Variants in MGAT4B observed in about 807,000 individuals in gnomAD.
The protein encoded by MGAT4B is alpha-1,3-mannosyl-glycoprotein 4-beta-N-acetylglucosaminyltransferase B.
MGAT4B carries 38 observed loss-of-function variants against 73.9 expected under a neutral mutation model. The observed-to-expected ratio is 0.51, with a 90% CI of 0.40 to 0.67. The LOEUF is 0.67. Among genes scored for constraint, MGAT4B ranks in the 30% least tolerant of loss-of-function variants. The pLI, the probability that MGAT4B is intolerant of heterozygous loss-of-function variation, is 0.00. For missense variants in MGAT4B, 686 were observed against 735.2 expected (o/e 0.93, Z 0.77); for synonymous variants, 373 against 313.5 (o/e 1.19, Z -2.01).
rs573493750 is a variant in MGAT4B at position 179,798,366 on chromosome 5, G to A, written c.1491C>T (p.Pro497=). The A allele has an allele frequency of 1.8e-4, 292 of 1,613,028 alleles. 3 individuals are homozygous for A. In the South Asian group the frequency reaches 2.9e-3, roughly 16 times the overall value. Residue 497 remains proline, a synonymous_variant, in exon 13 of 15, where the codon CCC becomes CCT. Transcript: ENST00000292591. ...RTATLRYPRS[P]DGYLQIGSFY... ...ACCCACCGATCTGGAGGTAGCCGTC[G>A]GGGCTCCGAGGGTACCGGAGGGTGG...
chr5:179,797,914 C>A lies in MGAT4B; in HGVS notation c.*131G>T. ...TCCGGGCCAGCGGCGGACCCCAGGCCGGCCCAAGCCCGACGCCAGGCAGAA... is the reference window on the plus strand; with the variant it reads ...TCCGGGCCAGCGGCGGACCCCAGGCAGGCCCAAGCCCGACGCCAGGCAGAA... On this transcript the variant is annotated 3_prime_UTR_variant, in exon 15 of 15. Coordinates refer to ENST00000292591, the MANE Select transcript of MGAT4B (RefSeq NM_014275.5). 7.5e-7 allele frequency: 1 copy of A among 1,328,672 alleles called. No individual in the cohort carries two copies. The allele number at this position is 1,328,672 out of a possible 1,614,324, so 82.3% of individuals were successfully genotyped here.
chr5:179,799,397 C>T, intron 9 of MGAT4B, 87 bp from the exon 10 acceptor site: 1 of 1,604,972 alleles, frequency 6.2e-7, no homozygotes, highest in Non-Finnish European at 8.5e-7. Flanking sequence ...GGCCCTCCCA[C>T]AGCTGACAGT....
intron 8 of MGAT4B, 96 bp from the exon 9 acceptor site, chr5:179,799,732 T>C (rs889776616): frequency 6.4e-7 from 1 of 1,570,192 alleles, no homozygotes; most frequent in South Asian, 1.1e-5. Context: ...AGGGGCAGGC[T>C]TCAGGCAGGT....
chr5:179,800,806 G>A (rs1756887381), intron 5 of MGAT4B, 101 bp downstream of exon 5: 1 of 1,351,036 alleles, frequency 7.4e-7, no homozygotes, highest in Non-Finnish European at 1.0e-6. Context: ...CTCCCCACGA[G>A]ATAGGAAAGG....
chr5:179,797,988 AC>A lies in MGAT4B; in HGVS notation c.*56del, dbSNP rs1261434751. Reference sequence around the variant, plus strand: ...GCCCTCCGGGGACGGCAGTGACGACACCCCCAGAAATGTGGGCTTCAGGGCT... The same window carrying A: ...GCCCTCCGGGGACGGCAGTGACGACACCCCAGAAATGTGGGCTTCAGGGCT... On this transcript the variant is annotated 3_prime_UTR_variant, in exon 15 of 15. Coordinates refer to ENST00000292591, the MANE Select transcript of MGAT4B (RefSeq NM_014275.5). 1.3e-6 allele frequency: 2 copies of A among 1,576,008 alleles called. No homozygotes were observed. The highest frequency in any genetic ancestry group is 1.7e-6 in the Non-Finnish European group (2 of 1,159,594).
At chr5:179,799,858 G>A in intron 8 of MGAT4B, 96 bp downstream of exon 8, 1 of 1,350,602 alleles carries the variant, frequency 7.4e-7, no homozygotes, top group South Asian at 1.2e-5. Flanking sequence ...GGGCCCACCT[G>A]GGCAAAGGCT....
Position 179,801,374 on chromosome 5 carries a change from T to C in MGAT4B, c.518A>G (p.Gln173Arg). The change falls in exon 4 of 15, where the codon CAG becomes CGG. Residue 173 changes from glutamine to arginine, a missense_variant. Transcript: ENST00000292591. This position sits in a 1 kb window ranked among gnomAD's most constrained non-coding sequence, Gnocchi z 4.8. Reference protein sequence around the residue: ...LHSLISELSPQEKEDSVIVVL... With the variant: ...LHSLISELSPREKEDSVIVVL... The stretch of plus-strand genomic sequence containing the variant: ...CACGATGACCGAGTCCTCCTTCTCC[T>C]GCGGGCTCAGCTCGGAGATGAGCGA... 1.9e-6 allele frequency: 3 copies of C among 1,612,614 alleles called. No individual in the cohort carries two copies. The highest frequency in any genetic ancestry group is 2.2e-5 in the East Asian group (1 of 44,834).
At position 179,806,502 on chromosome 5, in the gene MGAT4B, G is replaced by A. The variant is rs1382686072; in HGVS notation, c.82C>T (p.Leu28Phe). The part of the protein sequence containing the change: ...AFLSLSWYAA[L>F]SGQKGDVVDV... ...TCGCGCTCACCTTTCTGGCCGCTGA[G>A]TGCCGCGTACCAGGACAGCGAGAGG... The change falls in exon 1 of 15, where the codon CTC becomes TTC. Residue 28 changes from leucine (L) to phenylalanine (F), a missense_variant. Physicochemically the swap from Leu to Phe is conservative, Grantham distance 22 (BLOSUM62 0). This residue lies in a region of MGAT4B where 237 missense variants were observed against 198.5 expected (regional missense o/e 1.19). Transcript: ENST00000292591. This position sits in a 1 kb window ranked among gnomAD's most constrained non-coding sequence, Gnocchi z 4.6. The A allele has an allele frequency of 7.6e-7, 1 of 1,321,790 alleles. No homozygotes were observed. Among genetic ancestry groups the A allele is most frequent in the Non-Finnish European group, 9.9e-7 (1 of 1,010,262 alleles). The allele number at this position is 1,321,790 out of a possible 1,614,324, so 81.9% of individuals were successfully genotyped here.
At chr5:179,802,264 G>C in intron 1 of MGAT4B, 3 of 1,418,908 alleles carry the variant, frequency 2.1e-6, no homozygotes, top group Non-Finnish European at 2.7e-6. Context: ...ACCTAGGTAG[G>C]TGGATCCTAA....
At chr5:179,799,420 C>T (rs1756807361) in intron 9 of MGAT4B, 86 bp downstream of exon 9, 31 of 1,607,552 alleles carry the variant, frequency 1.9e-5, no homozygotes, top group Non-Finnish European at 2.6e-5. Context: ...TCTATGTGAG[C>T]AGATGCAAGG....
At position 179,799,635 on chromosome 5, in the gene MGAT4B, A is replaced by C. The variant is rs1756819168; in HGVS notation, c.912T>G (p.Gly304=). Reference sequence around the variant, plus strand: ...TCAGGTCCAGCGACTTGAACATCTTACCTGGTGGGGAGGGGCCTGAGTGGG... The same window carrying C: ...TCAGGTCCAGCGACTTGAACATCTTCCCTGGTGGGGAGGGGCCTGAGTGGG... The part of the protein sequence containing the change: ...ILEFSQLGFI[G]KMFKSLDLSL... The change falls in exon 9 of 15, where the codon GGT becomes GGG. Residue 304 remains glycine, a splice_region_variant and synonymous_variant. Transcript: ENST00000292591. The C allele has an allele frequency of 6.2e-7, 1 of 1,613,390 alleles. No individual in the cohort carries two copies. Among genetic ancestry groups the C allele is most frequent in the Non-Finnish European group, 8.5e-7 (1 of 1,180,010 alleles).
chr5:179,802,183 C>T (rs1376608708), intron 1 of MGAT4B: 6 of 1,494,176 alleles, frequency 4.0e-6, no homozygotes, highest in Non-Finnish European at 5.3e-6. Flanking sequence ...TAGCCCTCTT[C>T]CAGTACTCTC....
rs1358801208 is a variant in MGAT4B at position 179,800,130 on chromosome 5, C to CGCAGGGCAGG, written c.795+44_795+53dup. On this transcript the variant is annotated intron_variant, in intron 7 of 14. Transcript: ENST00000292591. Reference sequence around the variant, plus strand: ...GGGCACCCAGATGGACCAGACCCATCGCAGGGCAGGGCGGCGCAGGGCAGG... The same window carrying CGCAGGGCAGG: ...GGGCACCCAGATGGACCAGACCCATCGCAGGGCAGGGCAGGGCAGGGCGGCGCAGGGCAGG... 1.9e-6 allele frequency: 3 copies of CGCAGGGCAGG among 1,606,688 alleles called. No individual in the cohort carries two copies. In the African/African-American group the frequency reaches 4.2e-5, roughly 23 times the overall value.
At chr5:179,802,219 T>TGA in intron 1 of MGAT4B, 1 of 1,458,392 alleles carries the variant, frequency 6.9e-7, no homozygotes, top group Non-Finnish European at 9.0e-7. Flanking sequence ...TTTTATCCTC[T>TGA]GAGAAGGCAT....
In MGAT4B at chr5:179,801,869, C is replaced by G. The variant is rs1181575883; in HGVS notation, c.198G>C (p.Leu66=). Residue 66 remains leucine (L), a synonymous_variant, in exon 2 of 15, where the codon CTG becomes CTC. Transcript: ENST00000292591. The surrounding 1 kb of genome is among the most constrained non-coding windows in gnomAD (Gnocchi z 4.8). Reference sequence around the variant, plus strand: ...CGGCCCTCTTGATCTCGTCCAGCACCAGGTTGAGCTCCTTGGAGCGCTTGA... The same window carrying G: ...CGGCCCTCTTGATCTCGTCCAGCACGAGGTTGAGCTCCTTGGAGCGCTTGA... ...ESLKRSKELN[L]VLDEIKRAVS... 2 of 1,612,324 alleles carry G rather than the reference C, an allele frequency of 1.2e-6. No individual in the cohort carries two copies. Among genetic ancestry groups the G allele is most frequent in the Non-Finnish European group, 1.7e-6 (2 of 1,179,050 alleles).
At chr5:179,803,190 C>G (rs772998118) in intron 1 of MGAT4B, 1 of 985,370 alleles carries the variant, frequency 1.0e-6, no homozygotes, top group Non-Finnish European at 1.2e-6. Flanking sequence ...CCAGGTAGAT[C>G]TTCCCTGAGG....
chr5:179,802,315 G>T, intron 1 of MGAT4B: 2 of 1,365,158 alleles, frequency 1.5e-6, no homozygotes, highest in Admixed American at 3.6e-5. Flanking sequence ...CGCTCCATCC[G>T]TTGGCCTCCA....
In MGAT4B at chr5:179,801,749, C is replaced by T. The variant is rs575757111; in HGVS notation, c.283+35G>A. The stretch of plus-strand genomic sequence containing the variant: ...GACCAGGGAACCTACAACCAGCCCG[C>T]CCCCGCCTTTTCCCCCTCCCGCCCC... On this transcript the variant is annotated intron_variant, in intron 2 of 14. Coordinates refer to ENST00000292591, the MANE Select transcript of MGAT4B (RefSeq NM_014275.5). The surrounding 1 kb of genome is among the most constrained non-coding windows in gnomAD (Gnocchi z 4.8). 8 of 1,570,584 alleles carry T rather than the reference C, an allele frequency of 5.1e-6. No homozygotes were observed. The African/African-American group carries it at 5.4e-5, about 11-fold the overall frequency.
At chr5:179,805,482 G>T (rs1457966407) in intron 1 of MGAT4B, 1 of 152,372 alleles carries the variant, frequency 6.6e-6, no homozygotes, top group East Asian at 1.9e-4. Flanking sequence ...ATGCCTCTCT[G>T]GCCCTGGAGC....
Sources: gnomAD v4.1 joint callset for allele counts on GRCh38, gnomAD v4.1.1 for gene constraint, gnomAD v4.1.1 regional missense constraint, Gnocchi (gnomAD v3.1) non-coding constraint, MANE v1.5 for transcripts, NCBI Gene and HGNC (gene_info 2026-07-23, HGNC 2026-07-21) for gene names.